NRAP: variants seen among roughly 807,000 people sequenced by gnomAD.
The protein encoded by NRAP is nebulin related anchoring protein.
NRAP carries 189 observed loss-of-function variants against 225.9 expected under a neutral mutation model. That is an observed-to-expected ratio of 0.84 (90% CI 0.74 to 0.94). The LOEUF is 0.94. Ranked by LOEUF, NRAP falls within the 40% of genes least tolerant of loss-of-function variation. NRAP has a pLI of 0.00. For synonymous variants in NRAP, 769 were observed against 790.7 expected, an observed-to-expected ratio of 0.97 and a Z score of 0.46; for missense variants, 2,176 against 2,168.7, an observed-to-expected ratio of 1.00 and a Z score of -0.07.
chr10:113,606,310 A>C (rs1846964951), intron 32 of NRAP, 28 bp from the exon 33 acceptor site: 12 of 1,343,892 alleles, frequency 8.9e-6, no homozygotes, highest in African/African-American at 1.4e-5. Context: ...AATAATAATA[A>C]TGCAAGAGAT....
chr10:113,620,656 G>A lies in NRAP; in HGVS notation c.2822C>T (p.Thr941Ile), dbSNP rs1234235271. ...KWMKGMGWVA[T>I]GSLNVEQAKK... is the part of the protein sequence containing the mutation. ...CGCCTGCTCCACATTTAATGACCCG[G>A]TGGCGACCCAGCCCATGCCTTTCAT... is the stretch of plus-strand genomic sequence containing the variant. The change falls in exon 25 of 42, where the codon ACC (threonine) becomes ATC (isoleucine). Residue 941 changes from threonine (T) to isoleucine (I), a missense_variant. Around this residue, in one of 3 missense-constraint regions of NRAP, gnomAD observed 1,708 missense variants for 1,695.5 expected, o/e 1.01. Transcript: ENST00000359988. The A allele has an allele frequency of 6.2e-7, 1 of 1,613,544 alleles. No homozygotes were observed. Among genetic ancestry groups the A allele is most frequent in the Non-Finnish European group, 8.5e-7 (1 of 1,179,884 alleles).
At chr10:113,609,305 C>T (rs1433114028) in intron 31 of NRAP, among the ~76,000 whole-genome samples, 2 of 152,206 alleles carry the variant, frequency 1.3e-5, no homozygotes, top group East Asian at 1.9e-4. Context: ...GGTTCTGATG[C>T]ACCATGAGGT....
chr10:113,631,439 G>A, intron 18 of NRAP, 70 bp downstream of exon 18: 1 of 872,012 alleles, frequency 1.1e-6, no homozygotes, highest in East Asian at 2.5e-5. Context: ...CCCAGGTGAA[G>A]TAGGCCCAGG....
At chr10:113,653,659 G>A (rs527537071) in intron 5 of NRAP, among the ~76,000 whole-genome samples, 1 of 152,304 alleles carries the variant, frequency 6.6e-6, no homozygotes, top group Admixed American at 6.5e-5. Context: ...GGCTAAAACT[G>A]TCTTCCCTAT....
chr10:113,621,102 G>A (rs1281544014), intron 24 of NRAP, among the ~76,000 whole-genome samples: 3 of 152,202 alleles, frequency 2.0e-5, no homozygotes, highest in Non-Finnish European at 2.9e-5. Flanking sequence ...CCAGGCGGGC[G>A]CTATTTGAGG....
chr10:113,598,179 A>G, intron 35 of NRAP, 106 bp from the exon 36 acceptor site: 1 of 760,846 alleles, frequency 1.3e-6, no homozygotes, highest in Middle Eastern at 2.3e-4. Context: ...ATGCTTCATC[A>G]CAACATTTCA....
chr10:113,615,615 C>A, intron 27 of NRAP, 97 bp downstream of exon 27: 1 of 743,776 alleles, frequency 1.3e-6, no homozygotes, highest in Middle Eastern at 3.5e-4. Flanking sequence ...AACATGAAAC[C>A]AGCTCAGGGG....
chr10:113,614,422 G>T, intron 28 of NRAP, 126 bp from the exon 29 acceptor site: 1 of 698,924 alleles, frequency 1.4e-6, no homozygotes, highest in Non-Finnish European at 2.5e-6. Context: ...AAGAAAATGC[G>T]CGGGAGTCGT....
chr10:113,655,855 C>T (rs903515597), intron 4 of NRAP, among the ~76,000 whole-genome samples: 2 of 152,118 alleles, frequency 1.3e-5, no homozygotes, highest in African/African-American at 4.8e-5. Flanking sequence ...GTGAAAAATA[C>T]ACACTTCACA....
chr10:113,604,831 C>T lies in NRAP; in HGVS notation c.4005G>A (p.Arg1335=), dbSNP rs1846842259. ...GCTCGCTCTGCAGCTGGCCCATGCG[C>T]CGGCAGTGCTGGATCCGGGGGTCGT... The part of the protein sequence containing the change: ...VRDDPRIQHC[R]RMGQLQSELQ... Residue 1335 remains arginine (R), a synonymous_variant, in exon 35 of 42, where the codon CGG becomes CGA. Coordinates refer to ENST00000359988, the MANE Select transcript of NRAP (RefSeq NM_198060.4). 6.2e-7 allele frequency: 1 copy of T among 1,614,220 alleles called. No homozygotes were observed. Among genetic ancestry groups the T allele is most frequent in the South Asian group, 1.1e-5 (1 of 91,082 alleles).
At chr10:113,624,395 C>T (rs887733971) in intron 22 of NRAP, among the ~76,000 whole-genome samples, 12 of 152,090 alleles carry the variant, frequency 7.9e-5, no homozygotes, top group Admixed American at 2.0e-4. Context: ...CCAGTAAGGA[C>T]GGGACTAATA....
In NRAP at chr10:113,663,104, T is replaced by C. The variant is rs190826396; in HGVS notation, c.167+248A>G. 1.2e-4 allele frequency among the ~76,000 whole-genome samples: 19 copies of C among 152,340 alleles called. 1 individual carries two copies. The highest frequency in any genetic ancestry group is 2.6e-4 in the African/African-American group (11 of 41,588). On this transcript the variant is annotated intron_variant, in intron 2 of 41. Coordinates refer to ENST00000359988, the MANE Select transcript of NRAP (RefSeq NM_198060.4). ...ATGGCCATTACATTGTTCTGCACAG[T>C]ATTTAATAATTTGACATGAGGTTAT...
At chr10:113,624,997 A>C in intron 21 of NRAP, 67 bp from the exon 22 acceptor site, 1 of 918,518 alleles carries the variant, frequency 1.1e-6, no homozygotes, top group East Asian at 2.4e-5. Context: ...GGCATCCCTC[A>C]TGGTGTCTCT....
At chr10:113,612,693 G>A (rs566728009) in intron 29 of NRAP, among the ~76,000 whole-genome samples, 46 of 152,280 alleles carry the variant, frequency 3.0e-4, no homozygotes, top group African/African-American at 1.1e-3. Flanking sequence ...ACATACAAAA[G>A]TCCAAGGAAC....
intron 35 of NRAP, 82 bp downstream of exon 35, chr10:113,604,527 G>A (rs1205722521): frequency 5.5e-6 from 7 of 1,263,198 alleles, no homozygotes; most frequent in East Asian, 4.8e-5. Flanking sequence ...AAAAGACTAA[G>A]GAAGAAGCAG....
At chr10:113,649,532 G>A (rs1192802478) in intron 9 of NRAP, among the ~76,000 whole-genome samples, 2 of 152,160 alleles carry the variant, frequency 1.3e-5, no homozygotes, top group African/African-American at 2.4e-5. Context: ...TCCCTGTCAA[G>A]ATGTAGTTCA....
chr10:113,628,344 C>G (rs919766694), intron 20 of NRAP, among the ~76,000 whole-genome samples: 1 of 152,138 alleles, frequency 6.6e-6, no homozygotes, highest in Non-Finnish European at 1.5e-5. Flanking sequence ...CGTGCCACCA[C>G]ACCTGGCTGA....
chr10:113,640,689 AT>A (rs199614813), intron 13 of NRAP, among the ~76,000 whole-genome samples: 1 of 152,052 alleles, frequency 6.6e-6, no homozygotes, highest in Non-Finnish European at 1.5e-5. Flanking sequence ...AGAGTATTTA[AT>A]TTTTTTTCTA....
In NRAP at chr10:113,615,783, G is replaced by C; in HGVS notation, c.3007C>G (p.His1003Asp). Residue 1003 changes from histidine (H) to aspartate (D), a missense_variant, in exon 27 of 42, where the codon CAT becomes GAT. Physicochemically the swap from His to Asp is moderately conservative, Grantham distance 81 (BLOSUM62 -1). Around this residue, in one of 3 missense-constraint regions of NRAP, gnomAD observed 1,708 missense variants for 1,695.5 expected, o/e 1.01. Coordinates refer to ENST00000359988, the MANE Select transcript of NRAP (RefSeq NM_198060.4). ...LYREQGENIK[H>D]HYTPTADLPE... ...AGGTCAGCAGTCGGTGTGTAATGAT[G>C]CTTTATGTTTTCTCCTTGTTCCCTG... 1 of 1,608,550 alleles carries C rather than the reference G, an allele frequency of 6.2e-7. No individual in the cohort carries two copies. The highest frequency in any genetic ancestry group is 8.5e-7 in the Non-Finnish European group (1 of 1,174,918).
Sources: allele counts gnomAD v4.1 joint callset (sites outside exome capture counted in the v4.1 genomes callset), GRCh38; gene constraint gnomAD v4.1.1; regional missense constraint gnomAD v4.1.1; transcripts MANE v1.5; gene names NCBI Gene and HGNC (gene_info 2026-07-23, HGNC 2026-07-21).